Variants in PMPCB observed in about 807,000 individuals in gnomAD.
PMPCB encodes the protein peptidase, mitochondrial processing subunit beta, also known as mitochondrial-processing peptidase subunit beta.
A neutral mutation model predicts 61.5 loss-of-function variants in PMPCB; 46 were observed. The ratio of observed to expected loss-of-function variants is 0.75; its 90% CI spans 0.59 to 0.96. PMPCB has a LOEUF of 0.96. Ranked by LOEUF, PMPCB falls within the 40% of genes least tolerant of loss-of-function variation. The probability of loss-of-function intolerance (pLI) is 0.00; values close to 1 mark genes in which losing one functional copy is unlikely to be tolerated. For missense variants in PMPCB, 590 were observed against 602.4 expected (o/e 0.98, Z 0.22); for synonymous variants, 191 against 201.6 (o/e 0.95, Z 0.44).
intron 12 of PMPCB, chr7:103,327,718 C>T (rs772075436): frequency 2.5e-5 from 40 of 1,613,290 alleles, no homozygotes; most frequent in Non-Finnish European, 3.3e-5. Flanking sequence ...AGCTGCTTTC[C>T]GTTTGTCTGG....
rs1262480356 is a variant in PMPCB at position 103,303,842 on chromosome 7, C to T, written c.458C>T (p.Ala153Val). 6.3e-7 allele frequency: 1 copy of T among 1,594,192 alleles called. No homozygotes were observed. The highest frequency in any genetic ancestry group is 8.6e-7 in the Non-Finnish European group (1 of 1,168,986). The change falls in exon 5 of 13, where the codon GCT becomes GTT. Residue 153 changes from alanine to valine, a missense_variant and splice_region_variant. Transcript: ENST00000249269. ...AKAFSKDLPR[A>V]VEILADIIQN... Reference sequence around the variant, plus strand: ...TTTCTTATATTTTATTTTCAATTAGCTGTAGAAATTCTTGCTGATATAATA... The same window carrying T: ...TTTCTTATATTTTATTTTCAATTAGTTGTAGAAATTCTTGCTGATATAATA...
the PMPCB span, among the ~76,000 whole-genome samples, chr7:103,345,910 G>T: frequency 2.6e-5 from 4 of 151,212 alleles, no homozygotes; most frequent in Non-Finnish European, 5.9e-5. Flanking sequence ...ACACCATTGC[G>T]CTCCAGCCTG....
chr7:103,344,672 G>C, the PMPCB span: 1 of 1,591,982 alleles, frequency 6.3e-7, no homozygotes. Flanking sequence ...GTCCCGGGCG[G>C]AGGGCGCTTA....
At chr7:103,330,748 CTCTT>C (rs1046426881), downstream of PMPCB, among the ~76,000 whole-genome samples, 5 of 139,352 alleles carry the variant, frequency 3.6e-5, no homozygotes, top group African/African-American at 1.5e-4. Flanking sequence ...TCACACCCAG[CTCTT>C]TTTTTTTTTT....
At chr7:103,326,723 T>C (rs752555417) in intron 12 of PMPCB, 5 of 1,555,440 alleles carry the variant, frequency 3.2e-6, no homozygotes, top group African/African-American at 2.8e-5. Context: ...ACCATAACTT[T>C]ACCTATTTTT....
At chr7:103,333,689 G>A (rs373987283), downstream of PMPCB, among the ~76,000 whole-genome samples, 9 of 152,244 alleles carry the variant, frequency 5.9e-5, no homozygotes, top group Admixed American at 3.3e-4. Context: ...TGAGGCAACC[G>A]TTTTCTGATG....
chr7:103,321,537 A>C (rs777153856), intron 12 of PMPCB, among the ~76,000 whole-genome samples: 1 of 151,320 alleles, frequency 6.6e-6, no homozygotes, highest in Non-Finnish European at 1.5e-5. Flanking sequence ...AATAAATAAA[A>C]ATAATTTTTT....
the PMPCB span, among the ~76,000 whole-genome samples, chr7:103,342,564 C>T: frequency 9.9e-5 from 15 of 151,716 alleles, no homozygotes; most frequent in East Asian, 1.9e-4. Context: ...CTCGGCCTCC[C>T]AAAGTGTTGG....
chr7:103,304,529 G>C (rs372130358), intron 6 of PMPCB, 39 bp downstream of exon 6: 3 of 1,277,448 alleles, frequency 2.3e-6, no homozygotes, highest in Admixed American at 1.7e-5. Context: ...TTTAAACACA[G>C]TTGTTGGAGT....
In PMPCB at chr7:103,303,839, T is replaced by A. The variant is rs1412779350; in HGVS notation, c.458-3T>A. 1 of 1,592,420 alleles carries A rather than the reference T, an allele frequency of 6.3e-7. No individual in the cohort carries two copies. The highest frequency in any genetic ancestry group is 1.8e-5 in the Admixed American group (1 of 56,912). ...CGTTTTCTTATATTTTATTTTCAAT[T>A]AGCTGTAGAAATTCTTGCTGATATA... On this transcript the variant is annotated splice_polypyrimidine_tract_variant and splice_region_variant and intron_variant, in intron 4 of 12. Transcript: ENST00000249269.
Position 103,311,711 on chromosome 7 carries a change from T to C in PMPCB, c.1223T>C (p.Met408Thr), listed in dbSNP as rs1238959451. Residue 408 changes from methionine (M) to threonine (T), a missense_variant, in exon 10 of 13, where the codon ATG becomes ACG. Transcript: ENST00000249269. ...GCCAGAAATCTTCTGAAAACAAACA[T>C]GTTGTTGCAGCTTGATGGTAAAAAT... Reference protein sequence around the residue: ...ARARNLLKTNMLLQLDGSTPI... With the variant: ...ARARNLLKTNTLLQLDGSTPI... 3 of 1,613,698 alleles carry C rather than the reference T, an allele frequency of 1.9e-6. No homozygotes were observed. The East Asian group carries it at 6.7e-5, about 36-fold the overall frequency.
chr7:103,338,693 T>C, the PMPCB span, among the ~76,000 whole-genome samples: 1 of 150,944 alleles, frequency 6.6e-6, no homozygotes, highest in South Asian at 2.1e-4. Flanking sequence ...GGGTGGATCA[T>C]GAGGTCAGGA....
chr7:103,304,027 A>G lies in PMPCB; in HGVS notation c.643A>G (p.Thr215Ala), dbSNP rs368361253. 6.2e-7 allele frequency: 1 copy of G among 1,610,272 alleles called. No individual in the cohort carries two copies. The highest frequency in any genetic ancestry group is 8.5e-7 in the Non-Finnish European group (1 of 1,176,640). The change falls in exon 5 of 13, where the codon ACT (threonine) becomes GCT (alanine). Residue 215 changes from threonine (T) to alanine (A), a missense_variant. Physicochemically the swap from Thr to Ala is moderately conservative, Grantham distance 58 (BLOSUM62 0). Transcript: ENST00000249269. Reference protein sequence around the residue: ...TALGRTILGPTENIKSISRKD... With the variant: ...TALGRTILGPAENIKSISRKD... ...ACTTGGACGGACAATTTTGGGACCAACTGAAAATATCAAGTAGGTATAACA... is the reference window on the plus strand; with the variant it reads ...ACTTGGACGGACAATTTTGGGACCAGCTGAAAATATCAAGTAGGTATAACA...
At chr7:103,337,580 G>C in the PMPCB span, 1 of 588,574 alleles carries the variant, frequency 1.7e-6, no homozygotes. Context: ...TCTGAAGGCA[G>C]GGGAGACCGT....
downstream of PMPCB, among the ~76,000 whole-genome samples, chr7:103,315,167 A>G (rs973278869): frequency 8.8e-5 from 8 of 90,672 alleles, no homozygotes; most frequent in African/African-American, 2.4e-4. Context: ...TCAAACCCTA[A>G]CATTTTTTTT....
chr7:103,312,192 CTT>C lies in PMPCB; in HGVS notation c.1406-11_1406-10del. 6.2e-7 allele frequency: 1 copy of C among 1,613,850 alleles called. No individual in the cohort carries two copies. Among genetic ancestry groups the C allele is most frequent in the Non-Finnish European group, 8.5e-7 (1 of 1,179,928 alleles). On this transcript the variant is annotated splice_polypyrimidine_tract_variant and intron_variant, in intron 12 of 12. Coordinates refer to ENST00000249269, the MANE Select transcript of PMPCB (RefSeq NM_004279.3). ...GGCCAAGTACTTTTAATTAACTCTT[CTT>C]TTTAATCCTTAGGTCCCATTAAGCA...
downstream of PMPCB, among the ~76,000 whole-genome samples, chr7:103,332,460 T>A (rs1161083805): frequency 1.3e-5 from 2 of 152,196 alleles, no homozygotes; most frequent in African/African-American, 4.8e-5. Context: ...TCCAAAACAG[T>A]TTATGATTAA....
At chr7:103,339,519 C>G in the PMPCB span, among the ~76,000 whole-genome samples, 1 of 152,082 alleles carries the variant, frequency 6.6e-6, no homozygotes, top group Non-Finnish European at 1.5e-5. Flanking sequence ...ACTCTTCATT[C>G]ACTGTAATCT....
At position 103,312,376 on chromosome 7, in the gene PMPCB, G is replaced by A; in HGVS notation, c.*105G>A. 1.3e-6 allele frequency: 2 copies of A among 1,542,516 alleles called. No individual in the cohort carries two copies. The highest frequency in any genetic ancestry group is 1.7e-6 in the Non-Finnish European group (2 of 1,153,088). On this transcript the variant is annotated 3_prime_UTR_variant, in exon 13 of 13. Coordinates refer to ENST00000249269, the MANE Select transcript of PMPCB (RefSeq NM_004279.3). ...CATTTGGAAATTTGAATTAAATACTGTATCATACTTTCAAAGGATAAAAAG... is the reference window on the plus strand; with the variant it reads ...CATTTGGAAATTTGAATTAAATACTATATCATACTTTCAAAGGATAAAAAG...
Sources: gnomAD v4.1 joint callset for allele counts (sites outside exome capture counted in the v4.1 genomes callset) on GRCh38, gnomAD v4.1.1 for gene constraint, MANE v1.5 for transcripts, NCBI Gene and HGNC (gene_info 2026-07-23, HGNC 2026-07-21) for gene names.